TMEM132D: variants seen among roughly 807,000 people sequenced by gnomAD.
TMEM132D encodes the protein mature OL transmembrane protein.
In TMEM132D, 21 loss-of-function variants were observed where a neutral mutation model predicts 62.3. The ratio of observed to expected loss-of-function variants is 0.34; its 90% CI spans 0.24 to 0.49. The LOEUF (loss-of-function observed/expected upper bound fraction) is 0.49, where lower values mean the gene tolerates loss of function less well. Among genes scored for constraint, TMEM132D ranks in the 20% least tolerant of loss-of-function variants. The probability of loss-of-function intolerance (pLI) is 0.99; values close to 1 mark genes in which losing one functional copy is unlikely to be tolerated. For missense variants in TMEM132D, 1,346 were observed against 1,402.8 expected, an observed-to-expected ratio of 0.96 and a Z score of 0.65; for synonymous variants, 621 against 575.6, an observed-to-expected ratio of 1.08 and a Z score of -1.13.
chr12:129,708,181 C>A (rs1268697460), intron 1 of TMEM132D, among the ~76,000 whole-genome samples: 1 of 152,114 alleles, frequency 6.6e-6, no homozygotes, highest in African/African-American at 2.4e-5. Context: ...CGCACCAGTG[C>A]ACTCCAGCTT....
intron 4 of TMEM132D, among the ~76,000 whole-genome samples, chr12:129,313,647 T>C (rs1484284911): frequency 2.6e-5 from 4 of 152,116 alleles, no homozygotes; most frequent in Non-Finnish European, 5.9e-5. Flanking sequence ...ATTTTGCAAT[T>C]GTGAATTGTC....
At chr12:129,560,041 A>T (rs1381646159) in intron 2 of TMEM132D, among the ~76,000 whole-genome samples, 1 of 152,184 alleles carries the variant, frequency 6.6e-6, no homozygotes, top group African/African-American at 2.4e-5. Context: ...AAGGAAGCAT[A>T]TTTTAATTCA....
chr12:129,661,596 C>A (rs948973335), intron 2 of TMEM132D, among the ~76,000 whole-genome samples: 3 of 152,142 alleles, frequency 2.0e-5, no homozygotes, highest in African/African-American at 7.2e-5. Flanking sequence ...GAATCTGATA[C>A]TTATCTCAGA....
chr12:129,578,224 CA>C (rs1877732986), intron 2 of TMEM132D, among the ~76,000 whole-genome samples: 2 of 152,250 alleles, frequency 1.3e-5, no homozygotes, highest in Admixed American at 1.3e-4. Context: ...TCTTAGCTCT[CA>C]GGCCTTCGGA....
intron 3 of TMEM132D, among the ~76,000 whole-genome samples, chr12:129,412,230 G>A (rs1043495046): frequency 2.6e-5 from 4 of 152,106 alleles, no homozygotes; most frequent in Admixed American, 1.3e-4. Context: ...ATATGATGGG[G>A]TTGTCTCCTG....
chr12:129,202,987 A>G lies in TMEM132D; in HGVS notation c.1443+6533T>C, dbSNP rs375285834. ...CAAACATTTCTTAACCACCTGCTAC[A>G]TGCCTAGTGTTAAGTTTAGCCTAAA... On this transcript the variant is annotated intron_variant, in intron 5 of 8. Coordinates refer to ENST00000422113, the MANE Select transcript of TMEM132D (RefSeq NM_133448.3). Among the ~76,000 whole-genome samples, 12 of 152,342 alleles carry G rather than the reference A, an allele frequency of 7.9e-5. No individual in the cohort carries two copies. The East Asian group carries it at 1.9e-3, about 25-fold the overall frequency.
At chr12:129,675,228 A>G (rs997999685) in intron 2 of TMEM132D, among the ~76,000 whole-genome samples, 3 of 152,232 alleles carry the variant, frequency 2.0e-5, no homozygotes, top group Non-Finnish European at 4.4e-5. Context: ...TTGCAGGGGC[A>G]TGGATGAAGC....
At chr12:129,116,614 A>T (rs1398875221) in intron 5 of TMEM132D, among the ~76,000 whole-genome samples, 1 of 152,210 alleles carries the variant, frequency 6.6e-6, no homozygotes, top group Non-Finnish European at 1.5e-5. Flanking sequence ...ATATATACAG[A>T]TGGCAAATAA....
At position 129,074,103 on chromosome 12, in the gene TMEM132D, G is replaced by A. The variant is rs760772503; in HGVS notation, c.3072C>T (p.Ile1024=). Residue 1024 remains isoleucine, a synonymous_variant, in exon 9 of 9, where the codon ATC becomes ATT. Transcript: ENST00000422113. ...CACTTTTCTGATCTTTCCCATCAAT[G>A]ATGATGGGTCCCAAAGGTTTGAACA... The part of the protein sequence containing the change: ...GQLFKPLGPI[I]IDGKDQKSEP... 14 of 1,614,096 alleles carry A rather than the reference G, an allele frequency of 8.7e-6. No individual in the cohort carries two copies. The South Asian group carries it at 1.5e-4, about 18-fold the overall frequency.
At chr12:129,606,758 A>C (rs1878635892) in intron 2 of TMEM132D, among the ~76,000 whole-genome samples, 1 of 152,212 alleles carries the variant, frequency 6.6e-6, no homozygotes, top group Non-Finnish European at 1.5e-5. Flanking sequence ...CAAGAAAAAA[A>C]GTTACATTAA....
chr12:129,671,841 C>T (rs1242808776), intron 2 of TMEM132D, among the ~76,000 whole-genome samples: 1 of 152,184 alleles, frequency 6.6e-6, no homozygotes, highest in African/African-American at 2.4e-5. Flanking sequence ...AAACGCAAGG[C>T]AGCAAAGGGC....
At position 129,291,217 on chromosome 12, in the gene TMEM132D, G is replaced by T. The variant is rs536963236; in HGVS notation, c.1299+46417C>A. Among the ~76,000 whole-genome samples, 213 of 152,280 alleles carry T rather than the reference G, an allele frequency of 1.4e-3. 1 individual carries two copies. The highest frequency in any genetic ancestry group is 4.8e-3 in the African/African-American group (198 of 41,552). On this transcript the variant is annotated intron_variant, in intron 4 of 8. Transcript: ENST00000422113. Reference sequence around the variant, plus strand: ...TTCTATTTTGTTTTAATATTATGCAGCCCTAATTTTAATGCATGCTAATAG... The same window carrying T: ...TTCTATTTTGTTTTAATATTATGCATCCCTAATTTTAATGCATGCTAATAG...
intron 3 of TMEM132D, among the ~76,000 whole-genome samples, chr12:129,357,802 G>A (rs1870122314): frequency 6.6e-6 from 1 of 152,144 alleles, no homozygotes; most frequent in Admixed American, 6.6e-5. Context: ...ATGGCACTTT[G>A]GAAATTTGCA....
In TMEM132D at chr12:129,366,621, C is replaced by T. The variant is rs150620452; in HGVS notation, c.1116-28804G>A. Among the ~76,000 whole-genome samples the T allele has an allele frequency of 2.0e-3, 307 of 152,294 alleles. 4 individuals carry two copies. In the Middle Eastern group the frequency reaches 0.02, roughly 10 times the overall value. ...ATAGGAATGCAAGAATGGACTAATA[C>T]GCCGTGTGAGCTCTAGGACCAGGCA... On this transcript the variant is annotated intron_variant, in intron 3 of 8. Coordinates refer to ENST00000422113, the MANE Select transcript of TMEM132D (RefSeq NM_133448.3).
chr12:129,766,314 C>A (rs374602265), intron 1 of TMEM132D, among the ~76,000 whole-genome samples: 4 of 152,246 alleles, frequency 2.6e-5, no homozygotes, highest in African/African-American at 9.6e-5. Flanking sequence ...AATGGTAAAG[C>A]CTTTTCAGGA....
intron 4 of TMEM132D, among the ~76,000 whole-genome samples, chr12:129,288,799 T>C (rs1038392121): frequency 6.6e-6 from 1 of 152,204 alleles, no homozygotes; most frequent in East Asian, 1.9e-4. Flanking sequence ...CTGTAGAATG[T>C]TCACAATAGC....
chr12:129,241,641 A>G (rs1195297680), intron 4 of TMEM132D, among the ~76,000 whole-genome samples: 2 of 152,146 alleles, frequency 1.3e-5, no homozygotes, highest in Non-Finnish European at 2.9e-5. Flanking sequence ...AACCTCAACA[A>G]TGATAGTTCT....
chr12:129,228,407 C>A (rs1318228854), intron 4 of TMEM132D, among the ~76,000 whole-genome samples: 1 of 152,124 alleles, frequency 6.6e-6, no homozygotes, highest in Non-Finnish European at 1.5e-5. Context: ...GTGTGCAATT[C>A]ATTAGTTTTT....
At chr12:129,595,663 G>C (rs1293038904) in intron 2 of TMEM132D, among the ~76,000 whole-genome samples, 1 of 152,224 alleles carries the variant, frequency 6.6e-6, no homozygotes, top group Non-Finnish European at 1.5e-5. Context: ...CCTGCAATTT[G>C]TCTATGGCTG....
Sources: allele counts gnomAD v4.1 joint callset (sites outside exome capture counted in the v4.1 genomes callset), GRCh38; gene constraint gnomAD v4.1.1; transcripts MANE v1.5; gene names NCBI Gene and HGNC (gene_info 2026-07-23, HGNC 2026-07-21).